Variants in NELL1 observed in about 807,000 individuals in gnomAD.
The protein encoded by NELL1 is protein kinase C-binding protein NELL1.
A neutral mutation model predicts 107.4 loss-of-function variants in NELL1; 76 were observed. The ratio of observed to expected loss-of-function variants is 0.71; its 90% confidence interval spans 0.59 to 0.86. NELL1 has a LOEUF of 0.86. Among genes scored for constraint, NELL1 ranks in the 40% least tolerant of loss-of-function variants. NELL1 has a pLI of 0.00. For synonymous variants in NELL1, 353 were observed against 341.2 expected (o/e 1.03, Z -0.38); for missense variants, 1,024 against 1,005.5 (o/e 1.02, Z -0.25).
At chr11:21,428,225 A>G (rs919703757) in intron 15 of NELL1, among the ~76,000 whole-genome samples, 3 of 152,178 alleles carry the variant, frequency 2.0e-5, no homozygotes, top group Non-Finnish European at 4.4e-5. Flanking sequence ...TGAGGTGGAG[A>G]GAGAACACAC....
chr11:21,104,842 A>G (rs1854908435), intron 12 of NELL1, among the ~76,000 whole-genome samples: 1 of 152,202 alleles, frequency 6.6e-6, no homozygotes, highest in African/African-American at 2.4e-5. Flanking sequence ...GGAGGCTGAT[A>G]GTCTGGGCGC....
intron 15 of NELL1, among the ~76,000 whole-genome samples, chr11:21,401,631 A>G (rs1398047927): frequency 6.6e-6 from 1 of 151,730 alleles, no homozygotes; most frequent in Non-Finnish European, 1.5e-5. Context: ...AGGTGGAAAC[A>G]TGTATCACTG....
intron 12 of NELL1, among the ~76,000 whole-genome samples, chr11:21,011,391 G>A (rs1438005330): frequency 2.0e-5 from 3 of 152,116 alleles, no homozygotes; most frequent in Non-Finnish European, 4.4e-5. Context: ...GGAGGAAGCA[G>A]GATTAAGCAG....
At chr11:21,370,768 A>G (rs1003657281) in intron 14 of NELL1, 85 bp from the exon 15 acceptor site, 3 of 1,010,462 alleles carry the variant, frequency 3.0e-6, no homozygotes, top group African/African-American at 3.2e-5. Context: ...CAACAAAGAA[A>G]GAATTGCTTC....
chr11:21,202,112 G>A (rs866375207), intron 13 of NELL1, among the ~76,000 whole-genome samples: 1 of 152,084 alleles, frequency 6.6e-6, no homozygotes, highest in Non-Finnish European at 1.5e-5. Context: ...TCTCTGCCAG[G>A]TTTGGTGTCA....
At chr11:21,546,141 C>A (rs1471978550) in intron 16 of NELL1, among the ~76,000 whole-genome samples, 1 of 151,936 alleles carries the variant, frequency 6.6e-6, no homozygotes, top group Non-Finnish European at 1.5e-5. Flanking sequence ...GTTGAAATAC[C>A]AGGATCCGGC....
chr11:20,870,293 T>C (rs1187401062), intron 4 of NELL1, among the ~76,000 whole-genome samples: 2 of 152,224 alleles, frequency 1.3e-5, no homozygotes, highest in Non-Finnish European at 2.9e-5. Flanking sequence ...TTAGTTTTCT[T>C]CAAAACTTTG....
intron 5 of NELL1, among the ~76,000 whole-genome samples, chr11:20,903,681 T>C (rs1388804655): frequency 6.6e-6 from 1 of 152,100 alleles, no homozygotes; most frequent in East Asian, 1.9e-4. Context: ...TAACTTTAGA[T>C]TGCATACAAA....
rs549132522 is a variant in NELL1, at chr11:20,814,284, A to G, written c.335+30454A>G. On this transcript the variant is annotated intron_variant, in intron 3 of 19. Coordinates refer to ENST00000357134, the MANE Select transcript of NELL1 (RefSeq NM_006157.5). ...GCTGGGATTACAGGCGTGAGCCACCACACCCAGCCTAAAATTTCAACATTT... is the reference window on the plus strand; with the variant it reads ...GCTGGGATTACAGGCGTGAGCCACCGCACCCAGCCTAAAATTTCAACATTT... 7.2e-4 allele frequency among the ~76,000 whole-genome samples: 110 copies of G among 152,236 alleles called. No homozygotes were observed. The South Asian group carries it at 7.3e-3, about 10-fold the overall frequency.
intron 11 of NELL1, among the ~76,000 whole-genome samples, chr11:20,953,765 C>G (rs1348834505): frequency 6.6e-6 from 1 of 152,202 alleles, no homozygotes; most frequent in Non-Finnish European, 1.5e-5. Context: ...CAACCTCATT[C>G]ATCCTTCAAA....
chr11:20,947,860 G>GAT (rs1850995812), intron 11 of NELL1, among the ~76,000 whole-genome samples: 2 of 152,062 alleles, frequency 1.3e-5, no homozygotes. Context: ...GGTAGAGAAT[G>GAT]ATGTATGGTG....
At chr11:20,703,062 A>G (rs1854840402) in intron 2 of NELL1, among the ~76,000 whole-genome samples, 1 of 152,180 alleles carries the variant, frequency 6.6e-6, no homozygotes, top group Admixed American at 6.5e-5. Flanking sequence ...TGATTGAAAT[A>G]GTTTCAGAAG....
chr11:20,828,810 G>A (rs1434372965), intron 3 of NELL1, among the ~76,000 whole-genome samples: 2 of 152,148 alleles, frequency 1.3e-5, no homozygotes, highest in African/African-American at 4.8e-5. Flanking sequence ...ACAGGTAGAA[G>A]GTGGATTTCA....
rs891863757 is a variant in NELL1 at position 21,399,336 on chromosome 11, A to G, written c.1645+28388A>G. Reference sequence around the variant, plus strand: ...GTGGTTGACAATCGCTTCAGTTGCTATTTAGGTATTGCAATGTGTTAGCTT... The same window carrying G: ...GTGGTTGACAATCGCTTCAGTTGCTGTTTAGGTATTGCAATGTGTTAGCTT... On this transcript the variant is annotated intron_variant, in intron 15 of 19. Transcript: ENST00000357134. Among the ~76,000 whole-genome samples, 11 of 151,836 alleles carry G rather than the reference A, an allele frequency of 7.2e-5. No homozygotes were observed. In the East Asian group the frequency reaches 2.0e-3, roughly 27 times the overall value.
intron 14 of NELL1, among the ~76,000 whole-genome samples, chr11:21,365,612 C>T (rs370640113): frequency 3.7e-4 from 57 of 152,116 alleles, no homozygotes; most frequent in African/African-American, 1.3e-3. Context: ...CTGATACAAA[C>T]GTATATAGTA....
intron 13 of NELL1, among the ~76,000 whole-genome samples, chr11:21,157,446 G>A (rs546100781): frequency 1.3e-5 from 2 of 152,252 alleles, no homozygotes; most frequent in African/African-American, 4.8e-5. Context: ...ATTAAAATGT[G>A]TACCATCAGC....
intron 12 of NELL1, among the ~76,000 whole-genome samples, chr11:21,053,745 C>T (rs16907379): frequency 6.6e-6 from 1 of 152,102 alleles, no homozygotes; most frequent in Non-Finnish European, 1.5e-5. Flanking sequence ...ATTGTCAGGC[C>T]TGGGAAGGTT....
intron 12 of NELL1, among the ~76,000 whole-genome samples, chr11:21,007,019 A>G (rs1009364397): frequency 1.3e-5 from 2 of 152,112 alleles, no homozygotes; most frequent in African/African-American, 2.4e-5. Context: ...TTTATATATA[A>G]CAATCTAGAA....
chr11:20,831,038 T>C (rs17232813), intron 3 of NELL1, among the ~76,000 whole-genome samples: 6,797 of 152,272 alleles, frequency 0.045, 219 homozygotes, highest in Non-Finnish European at 0.06. Context: ...TGAGAGTCAT[T>C]GTTTGGCAAA....
Sources: allele counts gnomAD v4.1 joint callset (sites outside exome capture counted in the v4.1 genomes callset), GRCh38; gene constraint gnomAD v4.1.1; transcripts MANE v1.5; gene names NCBI Gene and HGNC (gene_info 2026-07-23, HGNC 2026-07-21).